The following PDE12 variants were observed in gnomAD, a reference collection of about 807,000 sequenced individuals.
PDE12 encodes 2',5'-phosphodiesterase 12.
PDE12 carries 26 observed loss-of-function variants against 45.4 expected under a neutral mutation model. The observed-to-expected ratio is 0.57, with a 90% CI of 0.42 to 0.79. The LOEUF is 0.79. PDE12 is among the 30% of genes least tolerant of loss of function. The pLI, the probability that PDE12 is intolerant of heterozygous loss-of-function variation, is 0.00. For missense variants in PDE12, 668 were observed against 790.0 expected, an observed-to-expected ratio of 0.85 and a Z score of 1.85; for synonymous variants, 283 against 323.9, an observed-to-expected ratio of 0.87 and a Z score of 1.36.
chr3:57,618,759 C>A, the PDE12 span, among the ~76,000 whole-genome samples: 2 of 151,574 alleles, frequency 1.3e-5, no homozygotes, highest in Non-Finnish European at 2.9e-5. Context: ...CAGGCGTGCA[C>A]CACCACATCT....
downstream of PDE12, among the ~76,000 whole-genome samples, chr3:57,569,026 G>C (rs2153408003): frequency 6.6e-6 from 1 of 152,150 alleles, no homozygotes; most frequent in East Asian, 1.9e-4. Flanking sequence ...TTTTAATCTA[G>C]GGATATAATC....
At chr3:57,622,988 G>A in the PDE12 span, among the ~76,000 whole-genome samples, 1 of 152,220 alleles carries the variant, frequency 6.6e-6, no homozygotes, top group South Asian at 2.1e-4. Context: ...TGATGAATAT[G>A]TTCACTATCT....
chr3:57,582,568 G>C, the PDE12 span, among the ~76,000 whole-genome samples: 2 of 152,096 alleles, frequency 1.3e-5, no homozygotes, highest in Admixed American at 6.6e-5. Flanking sequence ...AAATAAAAAA[G>C]TATACCACTT....
the PDE12 span, among the ~76,000 whole-genome samples, chr3:57,605,143 T>A: frequency 1.6e-3 from 238 of 152,234 alleles, 3 homozygotes; most frequent in East Asian, 0.01. Context: ...TGTCCCAGTT[T>A]ATTGCCTTGG....
At chr3:57,594,465 A>C in the PDE12 span, among the ~76,000 whole-genome samples, 1 of 152,156 alleles carries the variant, frequency 6.6e-6, no homozygotes, top group African/African-American at 2.4e-5. Context: ...CTAGTACATA[A>C]TTTCTGTCAA....
the PDE12 span, among the ~76,000 whole-genome samples, chr3:57,636,352 A>T: frequency 6.6e-6 from 1 of 152,344 alleles, no homozygotes; most frequent in Admixed American, 6.5e-5. Context: ...GATACTTGTT[A>T]AAAAAGCAGT....
At chr3:57,624,844 G>A in the PDE12 span, among the ~76,000 whole-genome samples, 1 of 152,064 alleles carries the variant, frequency 6.6e-6, no homozygotes, top group African/African-American at 2.4e-5. Flanking sequence ...GGGAGATTTG[G>A]GTTTTTAAAA....
At chr3:57,632,049 C>T in the PDE12 span, among the ~76,000 whole-genome samples, 10 of 113,590 alleles carry the variant, frequency 8.8e-5, no homozygotes, top group African/African-American at 3.4e-4. Flanking sequence ...GAGACGGAGT[C>T]TCACTCTTTC....
At chr3:57,600,499 CT>C in the PDE12 span, among the ~76,000 whole-genome samples, 1 of 149,938 alleles carries the variant, frequency 6.7e-6, no homozygotes, top group Admixed American at 6.7e-5. Context: ...CCTCCCCTCC[CT>C]TTTTCCTCCT....
chr3:57,647,686 G>A, the PDE12 span, among the ~76,000 whole-genome samples: 1 of 152,136 alleles, frequency 6.6e-6, no homozygotes, highest in South Asian at 2.1e-4. Flanking sequence ...TCTCCATGGA[G>A]AAGTACCCTG....
At chr3:57,586,940 AACACACAC>A in the PDE12 span, among the ~76,000 whole-genome samples, 1 of 151,662 alleles carries the variant, frequency 6.6e-6, no homozygotes, top group Non-Finnish European at 1.5e-5. Context: ...CTGATTAAGA[AACACACAC>A]ACACACGCAC....
At chr3:57,631,712 C>T in the PDE12 span, among the ~76,000 whole-genome samples, 7 of 145,248 alleles carry the variant, frequency 4.8e-5, no homozygotes, top group Admixed American at 3.5e-4. Context: ...TTGGTCTCTG[C>T]TCTCTTTTTT....
At chr3:57,587,048 G>A in the PDE12 span, among the ~76,000 whole-genome samples, 1 of 152,140 alleles carries the variant, frequency 6.6e-6, no homozygotes, top group African/African-American at 2.4e-5. Flanking sequence ...GCCTGGCGCT[G>A]TGGCTCATGC....
chr3:57,593,356 TA>T, the PDE12 span, among the ~76,000 whole-genome samples: 1 of 152,118 alleles, frequency 6.6e-6, no homozygotes, highest in Non-Finnish European at 1.5e-5. Context: ...AGGAAAAACA[TA>T]AAAAAATTAC....
chr3:57,583,887 G>A, the PDE12 span: 5 of 1,542,110 alleles, frequency 3.2e-6, no homozygotes, highest in African/African-American at 2.7e-5. Context: ...AAAACATACA[G>A]TATCCCTTAC....
the PDE12 span, among the ~76,000 whole-genome samples, chr3:57,611,962 T>G: frequency 6.6e-5 from 10 of 152,068 alleles, no homozygotes; most frequent in Non-Finnish European, 1.2e-4. Context: ...CGCGGCACTA[T>G]TCACAATAGC....
chr3:57,583,546 A>G, the PDE12 span, among the ~76,000 whole-genome samples: 4 of 152,212 alleles, frequency 2.6e-5, no homozygotes, highest in Admixed American at 2.6e-4. Context: ...AAGGACTATC[A>G]ATTGTCTTAC....
chr3:57,649,637 A>T, the PDE12 span, among the ~76,000 whole-genome samples: 7 of 148,088 alleles, frequency 4.7e-5, no homozygotes, highest in African/African-American at 1.0e-4. Context: ...AGTGAAAAAA[A>T]AAAAATATAT....
chr3:57,597,326 G>A, the PDE12 span: 6 of 556,662 alleles, frequency 1.1e-5, no homozygotes, highest in South Asian at 2.1e-5. Context: ...TAAGCCGGTA[G>A]AGGACCTGCT....
Sources: gnomAD v4.1 joint callset for allele counts (sites outside exome capture counted in the v4.1 genomes callset) on GRCh38, gnomAD v4.1.1 for gene constraint, MANE v1.5 for transcripts, NCBI Gene and HGNC (gene_info 2026-07-23, HGNC 2026-07-21) for gene names.